Variants in TBC1D1 observed in about 807,000 individuals in gnomAD.
The protein encoded by TBC1D1 is TBC1 (tre-2/USP6, BUB2, cdc16) domain family, member 1.
Under a neutral mutation model 125.6 loss-of-function variants are expected in TBC1D1, and 89 were observed. The ratio of observed to expected loss-of-function variants is 0.71; its 90% CI spans 0.60 to 0.85. The LOEUF is 0.85. TBC1D1 is among the 40% of genes least tolerant of loss of function. The pLI is 0.00. For synonymous variants in TBC1D1, 565 were observed against 564.1 expected (o/e 1.00, Z -0.02); for missense variants, 1,377 against 1,469.2 (o/e 0.94, Z 1.03).
At chr4:38,045,395 G>C (rs1482417150) in intron 9 of TBC1D1, among the ~76,000 whole-genome samples, 1 of 152,194 alleles carries the variant, frequency 6.6e-6, no homozygotes, top group Admixed American at 6.5e-5. Context: ...ATGAAAAACA[G>C]TTGATTTACA....
At chr4:38,085,535 A>G (rs1164283583) in intron 12 of TBC1D1, among the ~76,000 whole-genome samples, 1 of 152,180 alleles carries the variant, frequency 6.6e-6, no homozygotes, top group Non-Finnish European at 1.5e-5. Flanking sequence ...CAGAAGGCAT[A>G]TGTTTTCCCA....
intron 1 of TBC1D1, among the ~76,000 whole-genome samples, chr4:37,899,774 G>A (rs1367028453): frequency 3.9e-5 from 6 of 152,184 alleles, no homozygotes; most frequent in Admixed American, 3.9e-4. Context: ...AGCCTTTGAA[G>A]TATGTGGAAA....
chr4:38,049,130 T>C (rs1750012333), intron 10 of TBC1D1, among the ~76,000 whole-genome samples: 1 of 152,200 alleles, frequency 6.6e-6, no homozygotes, highest in African/African-American at 2.4e-5. Context: ...TCTAAGAATA[T>C]TGATACAGTT....
intron 2 of TBC1D1, among the ~76,000 whole-genome samples, chr4:37,919,571 T>C (rs574879345): frequency 6.6e-6 from 1 of 152,232 alleles, no homozygotes; most frequent in Admixed American, 6.5e-5. Context: ...GACTCATATG[T>C]GATCACTGGT....
chr4:38,131,601 C>A (rs1765596074), intron 18 of TBC1D1, among the ~76,000 whole-genome samples: 1 of 152,156 alleles, frequency 6.6e-6, no homozygotes, highest in African/African-American at 2.4e-5. Flanking sequence ...CGCTGTCTGC[C>A]CCAGGTGGGA....
intron 12 of TBC1D1, among the ~76,000 whole-genome samples, chr4:38,067,987 G>A (rs890789762): frequency 2.0e-5 from 3 of 152,194 alleles, no homozygotes; most frequent in African/African-American, 7.2e-5. Flanking sequence ...GTGAGGGATT[G>A]TTCTCGCCTG....
intron 2 of TBC1D1, among the ~76,000 whole-genome samples, chr4:37,982,725 A>G (rs1734590289): frequency 6.6e-6 from 1 of 152,244 alleles, no homozygotes; most frequent in African/African-American, 2.4e-5. Flanking sequence ...AAAAAGATAA[A>G]GTATAATTTG....
intron 18 of TBC1D1, among the ~76,000 whole-genome samples, chr4:38,129,817 TTACTC>T (rs1448772763): frequency 6.6e-6 from 1 of 152,172 alleles, no homozygotes; most frequent in Non-Finnish European, 1.5e-5. Flanking sequence ...ATATAATGCT[TTACTC>T]TACTAGATAA....
In TBC1D1 at chr4:38,137,242, C is replaced by T. The variant is rs751259837; in HGVS notation, c.3414C>T (p.Ala1138=). Reference sequence around the variant, plus strand: ...TTACCTTAGAACTGGAGCGGTCGGCCCTGCTGCAGACGGTGGAGGAGCTGC... The same window carrying T: ...TTACCTTAGAACTGGAGCGGTCGGCTCTGCTGCAGACGGTGGAGGAGCTGC... The change falls in exon 20 of 20, where the codon GCC becomes GCT. Residue 1138 remains alanine, a synonymous_variant. Coordinates refer to ENST00000261439, the MANE Select transcript of TBC1D1 (RefSeq NM_015173.4). The T allele has an allele frequency of 1.9e-6, 3 of 1,612,200 alleles. No homozygotes were observed. The highest frequency in any genetic ancestry group is 1.1e-5 in the South Asian group (1 of 91,004).
At chr4:38,135,406 C>T (rs367638481) in intron 19 of TBC1D1, among the ~76,000 whole-genome samples, 6 of 152,306 alleles carry the variant, frequency 3.9e-5, no homozygotes, top group East Asian at 1.9e-4. Flanking sequence ...AAGTCATTGA[C>T]GCCCACACTG....
intron 13 of TBC1D1, among the ~76,000 whole-genome samples, chr4:38,094,550 C>T (rs938332298): frequency 6.6e-6 from 1 of 152,066 alleles, no homozygotes; most frequent in Non-Finnish European, 1.5e-5. Context: ...TTTTGGAGGC[C>T]ACTGATTTTA....
intron 11 of TBC1D1, among the ~76,000 whole-genome samples, chr4:38,052,619 G>A (rs1232281728): frequency 6.6e-6 from 1 of 152,078 alleles, no homozygotes; most frequent in African/African-American, 2.4e-5. Context: ...ACAGGTGTGA[G>A]CCACTGCACC....
chr4:37,920,734 G>A (rs1720769671), intron 2 of TBC1D1, among the ~76,000 whole-genome samples: 1 of 152,124 alleles, frequency 6.6e-6, no homozygotes, highest in Non-Finnish European at 1.5e-5. Context: ...AGTGGGTAAG[G>A]GAAGGGAGTC....
intron 2 of TBC1D1, among the ~76,000 whole-genome samples, chr4:37,948,848 T>A (rs962849707): frequency 6.6e-6 from 1 of 152,184 alleles, no homozygotes; most frequent in Admixed American, 6.6e-5. Context: ...TTCTGAACAT[T>A]TCACATGAAT....
chr4:37,923,056 A>C (rs1292196438), intron 2 of TBC1D1, among the ~76,000 whole-genome samples: 2 of 152,074 alleles, frequency 1.3e-5, no homozygotes, highest in Non-Finnish European at 2.9e-5. Flanking sequence ...TGATGCACCC[A>C]TCAACCCATC....
chr4:37,961,497 C>T (rs1478762260), intron 2 of TBC1D1, among the ~76,000 whole-genome samples: 2 of 152,182 alleles, frequency 1.3e-5, no homozygotes, highest in South Asian at 2.1e-4. Flanking sequence ...CATGAAATCC[C>T]GTATCTTATT....
intron 3 of TBC1D1, 39 bp downstream of exon 3, chr4:38,015,012 C>G: frequency 6.7e-7 from 1 of 1,482,078 alleles, no homozygotes; most frequent in Non-Finnish European, 9.0e-7. Flanking sequence ...CCCAGTCTGC[C>G]ATACGCTTTC....
intron 12 of TBC1D1, among the ~76,000 whole-genome samples, chr4:38,072,598 A>T (rs2152512882): frequency 6.6e-6 from 1 of 152,138 alleles, no homozygotes; most frequent in East Asian, 1.9e-4. Context: ...TTAAGAGTAT[A>T]GATTTAAAAA....
chr4:38,056,915 G>T (rs1437494863), intron 12 of TBC1D1, among the ~76,000 whole-genome samples: 2 of 152,176 alleles, frequency 1.3e-5, no homozygotes, highest in African/African-American at 4.8e-5. Context: ...ATTGTTTTGA[G>T]TCTTGAGTCT....
Sources: gnomAD v4.1 joint callset for allele counts (sites outside exome capture counted in the v4.1 genomes callset) on GRCh38, gnomAD v4.1.1 for gene constraint, MANE v1.5 for transcripts, NCBI Gene and HGNC (gene_info 2026-07-23, HGNC 2026-07-21) for gene names.